PPP1R1B: variants seen among roughly 807,000 people sequenced by gnomAD.
The protein encoded by PPP1R1B is protein phosphatase 1 regulatory subunit 1B.
In PPP1R1B, 13 loss-of-function variants were observed where a neutral mutation model predicts 28.2. The ratio of observed to expected loss-of-function variants is 0.46; its 90% CI spans 0.30 to 0.73. The LOEUF (loss-of-function observed/expected upper bound fraction) is 0.73, where lower values mean the gene tolerates loss of function less well. PPP1R1B is among the 30% of genes least tolerant of loss of function. The probability of loss-of-function intolerance (pLI) is 0.07; values close to 1 mark genes in which losing one functional copy is unlikely to be tolerated. For synonymous variants in PPP1R1B, 102 were observed against 97.5 expected (o/e 1.05, Z -0.27); for missense variants, 236 against 256.7 (o/e 0.92, Z 0.55).
In PPP1R1B at chr17:39,626,979, G is replaced by T. The variant is rs1352798204; in HGVS notation, c.-414G>T. 5.6e-6 allele frequency: 1 copy of T among 178,140 alleles called. No individual in the cohort carries two copies. The highest frequency in any genetic ancestry group is 2.4e-5 in the African/African-American group (1 of 42,210). 11.0% of individuals were successfully genotyped at this position (178,140 alleles called of 1,614,324 possible). On this transcript the variant is annotated 5_prime_UTR_variant, in exon 1 of 7. Transcript: ENST00000254079. ...AGGCAGAGACACACGCGGAGAGGAG[G>T]AGAGGCTGAGGGAGGGAGGTGGAGA...
chr17:39,628,927 T>C (rs1157441018), intron 1 of PPP1R1B, among the ~76,000 whole-genome samples: 1 of 152,188 alleles, frequency 6.6e-6, no homozygotes, highest in Admixed American at 6.5e-5. Flanking sequence ...GACTGGGGTT[T>C]TTCTCGTCCT....
intron 5 of PPP1R1B, 99 bp downstream of exon 5, chr17:39,634,185 T>C: frequency 6.8e-7 from 1 of 1,473,012 alleles, no homozygotes. Flanking sequence ...ACGCAAACTG[T>C]AGTGACACCA....
In PPP1R1B at chr17:39,635,857, G is replaced by C. The variant is rs745743199; in HGVS notation, c.607G>C (p.Gly203Arg). 2 of 1,612,898 alleles carry C rather than the reference G, an allele frequency of 1.2e-6. No individual in the cohort carries two copies. Among genetic ancestry groups the C allele is most frequent in the Admixed American group, 1.7e-5 (1 of 59,986 alleles). The change falls in exon 7 of 7, where the codon GGC becomes CGC. Residue 203 changes from glycine to arginine, a missense_variant. Coordinates refer to ENST00000254079, the MANE Select transcript of PPP1R1B (RefSeq NM_032192.4). ...EPQRPSPSEP[G>R]T ...TCAGCGCCCTTCCCCCTCTGAGCCT[G>C]GCACATAGGCACCCAGCCTGCATCT...
At chr17:39,628,744 A>G in intron 1 of PPP1R1B, 10 of 989,084 alleles carry the variant, frequency 1.0e-5, no homozygotes, top group Non-Finnish European at 1.2e-5. Flanking sequence ...CCCGTGGGGC[A>G]TCTTCCCCAG....
At chr17:39,628,480 C>A in intron 1 of PPP1R1B, 1 of 984,790 alleles carries the variant, frequency 1.0e-6, no homozygotes, top group Non-Finnish European at 1.2e-6. Flanking sequence ...GCTTGGCTCA[C>A]GTAGCAAGGA....
intron 1 of PPP1R1B, chr17:39,628,575 C>T: frequency 1.0e-6 from 1 of 986,008 alleles, no homozygotes; most frequent in African/African-American, 1.7e-5. Context: ...ACCAAGGCCC[C>T]CAGAGAGGTC....
chr17:39,635,830 C>T lies in PPP1R1B; in HGVS notation c.580C>T (p.Pro194Ser), dbSNP rs755137721. 24 of 1,613,698 alleles carry T rather than the reference C, an allele frequency of 1.5e-5. No individual in the cohort carries two copies. The highest frequency in any genetic ancestry group is 1.0e-4 in the Admixed American group (6 of 59,988). The change falls in exon 7 of 7, where the codon CCT (proline) becomes TCT (serine). Residue 194 changes from proline (P) to serine (S), a missense_variant. Pro to Ser is a moderately conservative substitution (Grantham distance 74). Coordinates refer to ENST00000254079, the MANE Select transcript of PPP1R1B (RefSeq NM_032192.4). ...DPALSEPGEE[P>S]QRPSPSEPGT ...TTGCCTTTCAGAGCCTGGGGAGGAACCTCAGCGCCCTTCCCCCTCTGAGCC... is the reference window on the plus strand; with the variant it reads ...TTGCCTTTCAGAGCCTGGGGAGGAATCTCAGCGCCCTTCCCCCTCTGAGCC...
At chr17:39,635,495 C>T (rs2056912603) in intron 5 of PPP1R1B, 112 bp from the exon 6 acceptor site, 24 of 1,425,104 alleles carry the variant, frequency 1.7e-5, no homozygotes, top group Non-Finnish European at 2.2e-5. Context: ...TCCATGCTTC[C>T]ATGATGCCCC....
chr17:39,630,228 G>C, intron 4 of PPP1R1B, 181 bp downstream of exon 4: 1 of 603,896 alleles, frequency 1.7e-6, no homozygotes, highest in Admixed American at 2.8e-5. Context: ...AAACACAGGA[G>C]TCCCGAGGCT....
At chr17:39,629,885 T>C (rs929626778) in intron 3 of PPP1R1B, 87 bp from the exon 4 acceptor site, 4 of 1,299,124 alleles carry the variant, frequency 3.1e-6, no homozygotes, top group African/African-American at 2.9e-5. Flanking sequence ...TCAGTCTGCT[T>C]GGGTGGCCAT....
chr17:39,629,307 A>G, intron 2 of PPP1R1B, 77 bp downstream of exon 2: 3 of 1,484,548 alleles, frequency 2.0e-6, no homozygotes, highest in Admixed American at 3.4e-5. Context: ...CCAAAGTCCC[A>G]TGAACAGGAG....
Position 39,636,029 on chromosome 17 carries a change from C to A in PPP1R1B, c.*164C>A. 1 of 789,026 alleles carries A rather than the reference C, an allele frequency of 1.3e-6. No individual in the cohort carries two copies. Among genetic ancestry groups the A allele is most frequent in the Non-Finnish European group, 2.0e-6 (1 of 508,398 alleles). 48.9% of individuals were successfully genotyped at this position (789,026 alleles called of 1,614,324 possible). A position where few individuals can be genotyped will look rare whatever the true frequency, so the allele number is the denominator to read the frequency against. On this transcript the variant is annotated 3_prime_UTR_variant, in exon 7 of 7. Transcript: ENST00000254079. ...GGTCTGTGTTTGCTTGTTTGCCCAC[C>A]TTTGGCTGATACCCAGAGAACCTGG...
intron 4 of PPP1R1B, among the ~76,000 whole-genome samples, chr17:39,631,660 C>G (rs2056879028): frequency 6.6e-6 from 1 of 152,198 alleles, no homozygotes; most frequent in African/African-American, 2.4e-5. Flanking sequence ...ACAGGTATAC[C>G]TGTCAGCCCA....
intron 4 of PPP1R1B, chr17:39,630,343 G>A (rs1344178291): frequency 2.4e-5 from 10 of 412,674 alleles, no homozygotes; most frequent in Non-Finnish European, 2.7e-5. Context: ...GACTCCACCT[G>A]CAGCTCCTCT....
intron 5 of PPP1R1B, among the ~76,000 whole-genome samples, chr17:39,634,905 G>A (rs1192024444): frequency 6.6e-6 from 1 of 152,246 alleles, no homozygotes; most frequent in Non-Finnish European, 1.5e-5. Flanking sequence ...CTCAGGAAAA[G>A]CAGCAGGTGG....
Position 39,635,999 on chromosome 17 carries a change from A to C in PPP1R1B, c.*134A>C, listed in dbSNP as rs1394750276. 1.9e-6 allele frequency: 2 copies of C among 1,050,186 alleles called. No individual in the cohort carries two copies. The highest frequency in any genetic ancestry group is 3.1e-4 in the Middle Eastern group (1 of 3,268). 65.1% of individuals were successfully genotyped at this position (1,050,186 alleles called of 1,614,324 possible). On this transcript the variant is annotated 3_prime_UTR_variant, in exon 7 of 7. Coordinates refer to ENST00000254079, the MANE Select transcript of PPP1R1B (RefSeq NM_032192.4). ...GCGGCTTCTGACTTCTAGAAGACTA[A>C]GGCTGGTCTGTGTTTGCTTGTTTGC...
chr17:39,633,900 G>C lies in PPP1R1B; in HGVS notation c.259G>C (p.Glu87Gln). The change falls in exon 5 of 7, where the codon GAG (glutamate) becomes CAG (glutamine). Residue 87 changes from glutamate (E) to glutamine (Q), a missense_variant. By Grantham distance (29) the Glu-to-Gln change is conservative (BLOSUM62 2). Coordinates refer to ENST00000254079, the MANE Select transcript of PPP1R1B (RefSeq NM_032192.4). Reference protein sequence around the residue: ...PSLKAVQRIAESHLQSISNLN... With the variant: ...PSLKAVQRIAQSHLQSISNLN... ...TGTGCCAGCTGTGCAGCGCATTGCT[G>C]AGTCTCACCTGCAGTCTATCAGCAA... 6.2e-7 allele frequency: 1 copy of C among 1,613,790 alleles called. No homozygotes were observed. The highest frequency in any genetic ancestry group is 8.5e-7 in the Non-Finnish European group (1 of 1,179,850).
At chr17:39,627,805 G>A (rs2056848558) in intron 1 of PPP1R1B, among the ~76,000 whole-genome samples, 3 of 151,932 alleles carry the variant, frequency 2.0e-5, no homozygotes, top group African/African-American at 7.3e-5. Context: ...CCAAAGGGTA[G>A]TCAGTCTCCT....
At chr17:39,629,809 GC>G (rs1004580804) in intron 3 of PPP1R1B, 162 bp from the exon 4 acceptor site, 65 of 875,756 alleles carry the variant, frequency 7.4e-5, no homozygotes, top group African/African-American at 4.0e-4. Flanking sequence ...CTTATGGGGG[GC>G]CCCCCCTAAA....
Sources: allele counts gnomAD v4.1 joint callset (sites outside exome capture counted in the v4.1 genomes callset), GRCh38; gene constraint gnomAD v4.1.1; transcripts MANE v1.5; gene names NCBI Gene and HGNC (gene_info 2026-07-23, HGNC 2026-07-21).